The following FAM171A1 variants were observed in gnomAD, a reference collection of about 807,000 sequenced individuals.
FAM171A1 encodes family with sequence similarity 171 member A1, also known as protein FAM171A1.
FAM171A1 carries 23 observed loss-of-function variants against 74.9 expected under a neutral mutation model. That is an observed-to-expected ratio of 0.31 (90% CI 0.22 to 0.44). The LOEUF (loss-of-function observed/expected upper bound fraction) is 0.44, where lower values mean the gene tolerates loss of function less well. FAM171A1 is among the 20% of genes least tolerant of loss of function. FAM171A1 has a pLI of 1.00. For synonymous variants in FAM171A1, 527 were observed against 505.7 expected, an observed-to-expected ratio of 1.04 and a Z score of -0.57; for missense variants, 1,162 against 1,159.2, an observed-to-expected ratio of 1.00 and a Z score of -0.03.
At chr10:15,355,264 G>A (rs1466992046) in intron 1 of FAM171A1, among the ~76,000 whole-genome samples, 10 of 152,084 alleles carry the variant, frequency 6.6e-5, no homozygotes, top group South Asian at 2.1e-4. Context: ...TTGTAGAGAC[G>A]GGGTCTCAAT....
chr10:15,288,305 G>A (rs1471330120), intron 1 of FAM171A1, among the ~76,000 whole-genome samples: 1 of 151,898 alleles, frequency 6.6e-6, no homozygotes, highest in African/African-American at 2.4e-5. Flanking sequence ...GGATAAAATG[G>A]TAGTCCTTTT....
At chr10:15,251,307 C>T (rs1483869361) in intron 4 of FAM171A1, among the ~76,000 whole-genome samples, 1 of 152,086 alleles carries the variant, frequency 6.6e-6, no homozygotes, top group Non-Finnish European at 1.5e-5. Context: ...CTTCTTGAGG[C>T]CTCTTTCCTC....
intron 1 of FAM171A1, among the ~76,000 whole-genome samples, chr10:15,287,621 G>A (rs1254424713): frequency 6.6e-6 from 1 of 151,744 alleles, no homozygotes; most frequent in East Asian, 1.9e-4. Flanking sequence ...CTCTTGACCT[G>A]GTGATCTGCC....
At chr10:15,277,381 C>A (rs1834907859) in intron 2 of FAM171A1, among the ~76,000 whole-genome samples, 1 of 152,108 alleles carries the variant, frequency 6.6e-6, no homozygotes, top group Non-Finnish European at 1.5e-5. Context: ...CCATGCCCAG[C>A]TAATGTTTTA....
At chr10:15,302,489 C>CA (rs1235404549) in intron 1 of FAM171A1, among the ~76,000 whole-genome samples, 1 of 116,702 alleles carries the variant, frequency 8.6e-6, no homozygotes, top group Non-Finnish European at 1.8e-5. Flanking sequence ...CAAAACAAAA[C>CA]AAAAAAACCC....
At chr10:15,353,031 G>A (rs939582926) in intron 1 of FAM171A1, among the ~76,000 whole-genome samples, 1 of 152,176 alleles carries the variant, frequency 6.6e-6, no homozygotes, top group African/African-American at 2.4e-5. Flanking sequence ...TCTGTGCTCC[G>A]GCAGATGGGC....
rs144956216 is a variant in FAM171A1 at position 15,238,220 on chromosome 10, T to C, written c.754+10419A>G. On this transcript the variant is annotated intron_variant, in intron 5 of 7. Coordinates refer to ENST00000378116, the MANE Select transcript of FAM171A1 (RefSeq NM_001010924.2). ...CTTCACCTAGTCATGTGGCTTGTGATATATAGAGACAAAGATAAGCTAATA... is the reference window on the plus strand; with the variant it reads ...CTTCACCTAGTCATGTGGCTTGTGACATATAGAGACAAAGATAAGCTAATA... Among the ~76,000 whole-genome samples the C allele has an allele frequency of 2.0e-4, 31 of 152,332 alleles. No homozygotes were observed. In the East Asian group the frequency reaches 5.8e-3, roughly 28 times the overall value.
chr10:15,316,076 C>A (rs1041948420), intron 1 of FAM171A1, among the ~76,000 whole-genome samples: 1 of 152,110 alleles, frequency 6.6e-6, no homozygotes, highest in Non-Finnish European at 1.5e-5. Context: ...AATTATTTTC[C>A]TTCGTCACTA....
At position 15,364,515 on chromosome 10, in the gene FAM171A1, G is replaced by A. The variant is rs564722576; in HGVS notation, c.97+6441C>T. Among the ~76,000 whole-genome samples, 4 of 152,294 alleles carry A rather than the reference G, an allele frequency of 2.6e-5. 1 individual carries two copies. In the South Asian group the frequency reaches 8.3e-4, roughly 32 times the overall value. On this transcript the variant is annotated intron_variant, in intron 1 of 7. Coordinates refer to ENST00000378116, the MANE Select transcript of FAM171A1 (RefSeq NM_001010924.2). ...GCAGTCCATGCTGCACCACCATCCTGTGTGGGCGAATCTCTATTCACAGTT... is the reference window on the plus strand; with the variant it reads ...GCAGTCCATGCTGCACCACCATCCTATGTGGGCGAATCTCTATTCACAGTT...
At chr10:15,259,869 A>C (rs1021389102) in intron 3 of FAM171A1, among the ~76,000 whole-genome samples, 1 of 151,468 alleles carries the variant, frequency 6.6e-6, no homozygotes, top group Non-Finnish European at 1.5e-5. Context: ...TCTGTCACCC[A>C]GGCTGGAGTA....
chr10:15,215,580 GGT>G (rs1833956810), intron 7 of FAM171A1, among the ~76,000 whole-genome samples: 1 of 152,126 alleles, frequency 6.6e-6, no homozygotes, highest in Non-Finnish European at 1.5e-5. Context: ...TGGCTAGGCT[GGT>G]CTCGAACTTC....
Position 15,212,814 on chromosome 10 carries a change from G to C in FAM171A1, c.*101C>G. Reference sequence around the variant, plus strand: ...AGTAAACGTCCACGTCCGTCCCACGGCTGGGCTGCCGTTCCGTTTCCTCCA... The same window carrying C: ...AGTAAACGTCCACGTCCGTCCCACGCCTGGGCTGCCGTTCCGTTTCCTCCA... On this transcript the variant is annotated 3_prime_UTR_variant, in exon 8 of 8. Coordinates refer to ENST00000378116, the MANE Select transcript of FAM171A1 (RefSeq NM_001010924.2). The C allele has an allele frequency of 2.0e-6, 3 of 1,470,704 alleles. No homozygotes were observed. The highest frequency in any genetic ancestry group is 2.8e-6 in the Non-Finnish European group (3 of 1,089,278). The allele number at this position is 1,470,704 out of a possible 1,614,324, so 91.1% of individuals were successfully genotyped here.
At chr10:15,228,575 C>T (rs75800471) in intron 5 of FAM171A1, among the ~76,000 whole-genome samples, 1 of 152,028 alleles carries the variant, frequency 6.6e-6, no homozygotes, top group East Asian at 1.9e-4. Flanking sequence ...AACTCCTGGG[C>T]TCAAGTGATC....
At chr10:15,229,451 C>T (rs1215625965) in intron 5 of FAM171A1, among the ~76,000 whole-genome samples, 2 of 148,712 alleles carry the variant, frequency 1.3e-5, no homozygotes, top group Non-Finnish European at 3.0e-5. Context: ...ATCGTCACCA[C>T]CATCATTGTC....
At position 15,271,092 on chromosome 10, in the gene FAM171A1, A is replaced by G. The variant is rs543759495; in HGVS notation, c.418+4763T>C. Among the ~76,000 whole-genome samples the G allele has an allele frequency of 1.3e-4, 20 of 152,232 alleles. 1 individual carries two copies. Among genetic ancestry groups the G allele is most frequent in the South Asian group, 4.1e-4 (2 of 4,828 alleles). On this transcript the variant is annotated intron_variant, in intron 3 of 7. Coordinates refer to ENST00000378116, the MANE Select transcript of FAM171A1 (RefSeq NM_001010924.2). ...CGGTAATAACAAACTTCTCTGAGCTAAAGGAAGATGTTCGAACCCATTGCA... is the reference window on the plus strand; with the variant it reads ...CGGTAATAACAAACTTCTCTGAGCTGAAGGAAGATGTTCGAACCCATTGCA...
In FAM171A1 at chr10:15,270,335, C is replaced by G. The variant is rs530716311; in HGVS notation, c.418+5520G>C. 6.6e-5 allele frequency among the ~76,000 whole-genome samples: 10 copies of G among 152,328 alleles called. No homozygotes were observed. The South Asian group carries it at 1.9e-3, about 28-fold the overall frequency. Reference sequence around the variant, plus strand: ...GGTGGTAGCAAGGCTGGGGGAGGAGCATCTGCCATTGCTGAGGCTTGAGTA... The same window carrying G: ...GGTGGTAGCAAGGCTGGGGGAGGAGGATCTGCCATTGCTGAGGCTTGAGTA... On this transcript the variant is annotated intron_variant, in intron 3 of 7. Transcript: ENST00000378116.
chr10:15,361,597 C>T (rs558469126), intron 1 of FAM171A1, among the ~76,000 whole-genome samples: 4 of 152,154 alleles, frequency 2.6e-5, no homozygotes, highest in Admixed American at 6.6e-5. Flanking sequence ...GCAAGAGAAT[C>T]GCTTGAACTC....
intron 1 of FAM171A1, among the ~76,000 whole-genome samples, chr10:15,312,698 T>G (rs1381534600): frequency 1.1e-4 from 13 of 120,942 alleles, no homozygotes; most frequent in African/African-American, 2.7e-4. Context: ...TTTTTTTTTT[T>G]TTTTTTTTTT....
chr10:15,328,947 A>G (rs556615087), intron 1 of FAM171A1, among the ~76,000 whole-genome samples: 4 of 152,278 alleles, frequency 2.6e-5, no homozygotes, highest in Admixed American at 2.6e-4. Context: ...AACTCTGTAA[A>G]GAGGGAAAGT....
Sources: gnomAD v4.1 joint callset for allele counts (sites outside exome capture counted in the v4.1 genomes callset) on GRCh38, gnomAD v4.1.1 for gene constraint, MANE v1.5 for transcripts, NCBI Gene and HGNC (gene_info 2026-07-23, HGNC 2026-07-21) for gene names.